The following VAV3 variants were observed in gnomAD, a reference collection of about 807,000 sequenced individuals.
The protein encoded by VAV3 is vav guanine nucleotide exchange factor 3, also known as guanine nucleotide exchange factor VAV3.
A neutral mutation model predicts 131.2 loss-of-function variants in VAV3; 94 were observed. The observed-to-expected ratio is 0.72, with a 90% confidence interval of 0.61 to 0.85. The LOEUF is 0.85. VAV3 is among the 40% of genes least tolerant of loss of function. VAV3 has a pLI of 0.00. For synonymous variants in VAV3, 349 were observed against 342.0 expected, an observed-to-expected ratio of 1.02 and a Z score of -0.22; for missense variants, 939 against 1,002.7, an observed-to-expected ratio of 0.94 and a Z score of 0.86.
At chr1:107,717,704 G>C (rs1038546791) in intron 15 of VAV3, among the ~76,000 whole-genome samples, 2 of 152,188 alleles carry the variant, frequency 1.3e-5, no homozygotes, top group East Asian at 3.9e-4. Flanking sequence ...CTGAGAAGAA[G>C]ATATATTCTG....
chr1:107,788,213 G>C (rs1360105424), intron 2 of VAV3, among the ~76,000 whole-genome samples: 1 of 151,958 alleles, frequency 6.6e-6, no homozygotes, highest in East Asian at 1.9e-4. Context: ...GAGGTTGTAT[G>C]ACATTTCAAA....
chr1:107,719,455 G>GA (rs896633735), intron 15 of VAV3, among the ~76,000 whole-genome samples: 13 of 152,270 alleles, frequency 8.5e-5, no homozygotes, highest in Admixed American at 1.3e-4. Flanking sequence ...ACAGACATAT[G>GA]AAAAAATGCT....
At chr1:107,656,813 C>T (rs1217459630) in intron 19 of VAV3, among the ~76,000 whole-genome samples, 1 of 152,060 alleles carries the variant, frequency 6.6e-6, no homozygotes, top group Non-Finnish European at 1.5e-5. Context: ...CTCTGACCAC[C>T]TATGACAGTC....
chr1:107,617,475 A>C, intron 21 of VAV3, 92 bp downstream of exon 21: 1 of 1,003,310 alleles, frequency 1.0e-6, no homozygotes, highest in South Asian at 1.8e-5. Context: ...TTAATAACTG[A>C]CCTGGCCAGT....
At chr1:107,625,495 G>A (rs1199145479) in intron 20 of VAV3, among the ~76,000 whole-genome samples, 1 of 152,046 alleles carries the variant, frequency 6.6e-6, no homozygotes, top group African/African-American at 2.4e-5. Flanking sequence ...TCAAACTCCT[G>A]ACCTCAAATC....
intron 19 of VAV3, among the ~76,000 whole-genome samples, chr1:107,653,960 A>C (rs889520553): frequency 6.6e-6 from 1 of 152,100 alleles, no homozygotes; most frequent in African/African-American, 2.4e-5. Flanking sequence ...CTTTTGAAGT[A>C]GTACTGTTCT....
intron 1 of VAV3, among the ~76,000 whole-genome samples, chr1:107,883,913 C>A (rs1440191532): frequency 2.0e-5 from 3 of 152,198 alleles, no homozygotes; most frequent in Non-Finnish European, 4.4e-5. Flanking sequence ...GGAAGACAAG[C>A]AGCATCTTTA....
intron 1 of VAV3, among the ~76,000 whole-genome samples, chr1:107,914,101 T>C (rs1320259965): frequency 3.3e-5 from 5 of 152,212 alleles, no homozygotes; most frequent in Non-Finnish European, 5.9e-5. Flanking sequence ...GGTTTTTATA[T>C]AACTGCAAAT....
chr1:107,956,251 G>C (rs987394144), intron 1 of VAV3, among the ~76,000 whole-genome samples: 14 of 152,184 alleles, frequency 9.2e-5, no homozygotes, highest in Non-Finnish European at 1.6e-4. Flanking sequence ...AAAGAAGGGA[G>C]AAACGGGTGA....
At chr1:107,890,818 AC>A (rs972289652) in intron 1 of VAV3, among the ~76,000 whole-genome samples, 8 of 152,346 alleles carry the variant, frequency 5.3e-5, no homozygotes, top group African/African-American at 1.9e-4. Context: ...AATGGAAGAC[AC>A]TTTCAGATCA....
chr1:107,947,694 T>C (rs894489190), intron 1 of VAV3, among the ~76,000 whole-genome samples: 4 of 152,174 alleles, frequency 2.6e-5, no homozygotes, highest in Non-Finnish European at 5.9e-5. Flanking sequence ...TCCATATTCT[T>C]TCAATATAAC....
chr1:107,688,353 T>C, intron 18 of VAV3, 28 bp downstream of exon 18: 1 of 1,609,178 alleles, frequency 6.2e-7, no homozygotes, highest in Non-Finnish European at 8.5e-7. Flanking sequence ...GCAAAGGTTA[T>C]AAAAAATATT....
chr1:107,810,500 T>C (rs1345203407), intron 2 of VAV3, among the ~76,000 whole-genome samples: 1 of 152,176 alleles, frequency 6.6e-6, no homozygotes, highest in East Asian at 1.9e-4. Flanking sequence ...ATTTTTAAAA[T>C]TGCTATGAGA....
At chr1:107,686,291 A>G (rs973271215) in intron 18 of VAV3, among the ~76,000 whole-genome samples, 2 of 152,070 alleles carry the variant, frequency 1.3e-5, no homozygotes, top group African/African-American at 4.8e-5. Context: ...GTGAAAACTG[A>G]CCTACCTCGC....
At chr1:107,656,722 A>T (rs12402580) in intron 19 of VAV3, among the ~76,000 whole-genome samples, 63,065 of 151,838 alleles carry the variant, frequency 0.42, 14,187 homozygotes, top group East Asian at 0.61. Context: ...AAGTATGCAC[A>T]TCTATTATAT....
At chr1:107,779,057 T>C (rs574265201) in intron 3 of VAV3, among the ~76,000 whole-genome samples, 9 of 152,250 alleles carry the variant, frequency 5.9e-5, no homozygotes, top group Admixed American at 4.6e-4. Flanking sequence ...TGAGTTATTA[T>C]GATCTACTCT....
At chr1:107,629,658 A>C (rs1654305100) in intron 20 of VAV3, among the ~76,000 whole-genome samples, 1 of 152,212 alleles carries the variant, frequency 6.6e-6, no homozygotes, top group African/African-American at 2.4e-5. Context: ...AATGCTGCCA[A>C]AAGGAATCCT....
At chr1:107,616,532 C>A (rs928332250) in intron 21 of VAV3, among the ~76,000 whole-genome samples, 1 of 152,104 alleles carries the variant, frequency 6.6e-6, no homozygotes, top group Non-Finnish European at 1.5e-5. Context: ...ACCAAACCCC[C>A]ATGACATGCA....
intron 17 of VAV3, among the ~76,000 whole-genome samples, chr1:107,703,038 C>T (rs1660229908): frequency 6.6e-6 from 1 of 152,124 alleles, no homozygotes; most frequent in African/African-American, 2.4e-5. Flanking sequence ...CTAAACTATT[C>T]TCCTACACTA....
Sources: allele counts gnomAD v4.1 joint callset (sites outside exome capture counted in the v4.1 genomes callset), GRCh38; gene constraint gnomAD v4.1.1; transcripts MANE v1.5; gene names NCBI Gene and HGNC (gene_info 2026-07-23, HGNC 2026-07-21).